The following ZNF691 variants were observed in gnomAD, a reference collection of about 807,000 sequenced individuals.
ZNF691 encodes zinc finger protein 691.
ZNF691 carries 11 observed loss-of-function variants against 24.1 expected under a neutral mutation model. That is an observed-to-expected ratio of 0.46 (90% CI 0.29 to 0.75). The LOEUF is 0.75. Among genes scored for constraint, ZNF691 ranks in the 30% least tolerant of loss-of-function variants. The probability of loss-of-function intolerance (pLI) is 0.11; values close to 1 mark genes in which losing one functional copy is unlikely to be tolerated. For synonymous variants in ZNF691, 149 were observed against 153.9 expected, an observed-to-expected ratio of 0.97 and a Z score of 0.23; for missense variants, 356 against 409.0, an observed-to-expected ratio of 0.87 and a Z score of 1.12.
At chr1:42,849,529 G>A in intron 2 of ZNF691, 36 bp from the exon 3 acceptor site, 1 of 759,690 alleles carries the variant, frequency 1.3e-6, no homozygotes, top group African/African-American at 1.7e-5. Context: ...AATGTAGTCA[G>A]TACCCCTTTC....
intron 2 of ZNF691, 52 bp from the exon 3 acceptor site, chr1:42,849,513 A>G: frequency 1.4e-6 from 1 of 726,856 alleles, no homozygotes; most frequent in Non-Finnish European, 2.5e-6. Flanking sequence ...TTGTAATCCA[A>G]CCCTAAATGT....
intron 1 of ZNF691, among the ~76,000 whole-genome samples, chr1:42,846,873 C>T (rs1655252845): frequency 6.6e-6 from 1 of 152,196 alleles, no homozygotes; most frequent in South Asian, 2.1e-4. Flanking sequence ...ACCCATTCCC[C>T]GGCCCTTCTG....
intron 1 of ZNF691, among the ~76,000 whole-genome samples, chr1:42,849,035 C>G (rs999167488): frequency 6.6e-6 from 1 of 152,166 alleles, no homozygotes; most frequent in African/African-American, 2.4e-5. Flanking sequence ...TATGTCTTGT[C>G]TATGGCTGCT....
chr1:42,851,836 G>C lies in ZNF691; in HGVS notation c.*23G>C, dbSNP rs772993408. 7 of 1,613,960 alleles carry C rather than the reference G, an allele frequency of 4.3e-6. No homozygotes were observed. Among genetic ancestry groups the C allele is most frequent in the Non-Finnish European group, 5.9e-6 (7 of 1,179,916 alleles). ...TGAAGGAGAGCCCCATTTAGAGTGA[G>C]GGAGAGAGAGTGAGAGACCCTAACC... On this transcript the variant is annotated 3_prime_UTR_variant, in exon 4 of 4. Transcript: ENST00000651192. The surrounding 1 kb of genome is among the most constrained non-coding windows in gnomAD (Gnocchi z 4.7).
chr1:42,850,835 T>C, intron 3 of ZNF691, 115 bp from the exon 4 acceptor site: 1 of 1,564,564 alleles, frequency 6.4e-7, no homozygotes, highest in Non-Finnish European at 8.7e-7. Flanking sequence ...TTGAGGTTAT[T>C]TCTAATGGAT....
At chr1:42,846,961 C>G (rs1655255614) in intron 1 of ZNF691, among the ~76,000 whole-genome samples, 1 of 152,182 alleles carries the variant, frequency 6.6e-6, no homozygotes, top group Non-Finnish European at 1.5e-5. Flanking sequence ...ACCTCTCTGG[C>G]CCCAAGCCCG....
chr1:42,847,073 A>G (rs1655259928), intron 1 of ZNF691, among the ~76,000 whole-genome samples: 1 of 152,010 alleles, frequency 6.6e-6, no homozygotes, highest in African/African-American at 2.4e-5. Flanking sequence ...GGCCTGTGAC[A>G]CTTCTGGCAG....
Position 42,851,536 on chromosome 1 carries a change from C to G in ZNF691, c.671C>G (p.Pro224Arg). 1 of 1,614,170 alleles carries G rather than the reference C, an allele frequency of 6.2e-7. No individual in the cohort carries two copies. The highest frequency in any genetic ancestry group is 8.5e-7 in the Non-Finnish European group (1 of 1,180,026). ...LAVHHRTHLE[P>R]APYICCECGK... ...GTGCATCACCGGACCCACCTGGAGC[C>G]AGCACCCTACATCTGCTGTGAGTGT... The change falls in exon 4 of 4, where the codon CCA (proline) becomes CGA (arginine). Residue 224 changes from proline to arginine, a missense_variant. Physicochemically the swap from Pro to Arg is moderately radical, Grantham distance 103. Transcript: ENST00000651192. The surrounding 1 kb of genome is among the most constrained non-coding windows in gnomAD (Gnocchi z 4.7).
intron 1 of ZNF691, among the ~76,000 whole-genome samples, chr1:42,847,035 G>T (rs546192039): frequency 6.6e-6 from 1 of 151,982 alleles, no homozygotes; most frequent in South Asian, 2.1e-4. Context: ...TCCCCGCCCC[G>T]CAACACACAA....
intron 3 of ZNF691, among the ~76,000 whole-genome samples, chr1:42,849,998 T>C (rs564870745): frequency 6.6e-6 from 1 of 151,750 alleles, no homozygotes; most frequent in South Asian, 2.1e-4. Flanking sequence ...TATGTAGCTA[T>C]ATATGTGTGT....
chr1:42,851,508 G>T lies in ZNF691; in HGVS notation c.643G>T (p.Ala215Ser), dbSNP rs756756998. The T allele has an allele frequency of 6.2e-7, 1 of 1,614,218 alleles. No individual in the cohort carries two copies. The highest frequency in any genetic ancestry group is 8.5e-7 in the Non-Finnish European group (1 of 1,180,044). ...GKSFSQSATL[A>S]VHHRTHLEPA... ...GAGCTTCAGCCAGAGTGCCACGCTA[G>T]CTGTGCATCACCGGACCCACCTGGA... The change falls in exon 4 of 4, where the codon GCT becomes TCT. Residue 215 changes from alanine (A) to serine (S), a missense_variant. Physicochemically the swap from Ala to Ser is moderately conservative, Grantham distance 99. Transcript: ENST00000651192. The surrounding 1 kb of genome is among the most constrained non-coding windows in gnomAD (Gnocchi z 4.7).
intron 3 of ZNF691, among the ~76,000 whole-genome samples, chr1:42,850,020 G>T (rs745306649): frequency 8.6e-5 from 13 of 152,034 alleles, no homozygotes; most frequent in Non-Finnish European, 1.8e-4. Flanking sequence ...GCTGTGGTAT[G>T]TGGCTATATG....
At position 42,852,053 on chromosome 1, in the gene ZNF691, G is replaced by T; in HGVS notation, c.*240G>T. On this transcript the variant is annotated 3_prime_UTR_variant, in exon 4 of 4. Coordinates refer to ENST00000651192, the MANE Select transcript of ZNF691 (RefSeq NM_001242739.2). ...TTGGAAAGTCAGAAGACCCAGTCTT[G>T]GCTTTACTTTCTTGGGGTGAAAGAG... The T allele has an allele frequency of 1.5e-6, 1 of 677,486 alleles. No homozygotes were observed. 42.0% of individuals were successfully genotyped at this position (677,486 alleles called of 1,614,324 possible). A position where few individuals can be genotyped will look rare whatever the true frequency, so the allele number is the denominator to read the frequency against.
At chr1:42,847,352 A>G (rs571109890) in intron 1 of ZNF691, among the ~76,000 whole-genome samples, 11 of 151,766 alleles carry the variant, frequency 7.2e-5, no homozygotes, top group Non-Finnish European at 1.0e-4. Flanking sequence ...CACTAGCCCC[A>G]TCTTCTTGGC....
At chr1:42,847,168 C>T (rs561984136) in intron 1 of ZNF691, among the ~76,000 whole-genome samples, 2 of 152,300 alleles carry the variant, frequency 1.3e-5, no homozygotes, top group East Asian at 3.9e-4. Flanking sequence ...ATCTAGCTTC[C>T]CTGTACAATT....
At position 42,851,979 on chromosome 1, in the gene ZNF691, G is replaced by A. The variant is rs1006518708; in HGVS notation, c.*166G>A. On this transcript the variant is annotated 3_prime_UTR_variant, in exon 4 of 4. Transcript: ENST00000651192. The surrounding 1 kb of genome is among the most constrained non-coding windows in gnomAD (Gnocchi z 4.7). ...TCAGGATCTCAGGAAGTCCTGAGGAGGGACTCTGGAATAAAAACCCTTGCC... is the reference window on the plus strand; with the variant it reads ...TCAGGATCTCAGGAAGTCCTGAGGAAGGACTCTGGAATAAAAACCCTTGCC... 9.1e-7 allele frequency: 1 copy of A among 1,093,810 alleles called. No individual in the cohort carries two copies. The highest frequency in any genetic ancestry group is 1.6e-5 in the African/African-American group (1 of 64,348). 67.8% of individuals were successfully genotyped at this position (1,093,810 alleles called of 1,614,324 possible). A position where few individuals can be genotyped will look rare whatever the true frequency, so the allele number is the denominator to read the frequency against.
At chr1:42,849,184 T>G in intron 1 of ZNF691, 107 bp from the exon 2 acceptor site, 1 of 313,740 alleles carries the variant, frequency 3.2e-6, no homozygotes, top group South Asian at 2.7e-5. Flanking sequence ...AGGTTCTGTC[T>G]GTATTTCACA....
At chr1:42,847,699 G>A (rs1346508112) in intron 1 of ZNF691, among the ~76,000 whole-genome samples, 1 of 152,108 alleles carries the variant, frequency 6.6e-6, no homozygotes, top group African/African-American at 2.4e-5. Flanking sequence ...CTTCCTTCCC[G>A]TCTTCTCTCC....
Position 42,851,264 on chromosome 1 carries a change from C to T in ZNF691, c.399C>T (p.His133=), listed in dbSNP as rs1282417704. 2 of 1,614,178 alleles carry T rather than the reference C, an allele frequency of 1.2e-6. No individual in the cohort carries two copies. The highest frequency in any genetic ancestry group is 2.2e-5 in the South Asian group (2 of 91,084). ...TFNNTSNLRT[H]QRIHTGEKPY... is the part of the protein sequence containing the mutation. ...ATAATACCTCCAACCTGAGAACACA[C>T]CAGCGGATCCACACTGGTGAGAAGC... Residue 133 remains histidine (H), a synonymous_variant, in exon 4 of 4, where the codon CAC becomes CAT. Transcript: ENST00000651192. This position sits in a 1 kb window ranked among gnomAD's most constrained non-coding sequence, Gnocchi z 4.7.
Sources: gnomAD v4.1 joint callset for allele counts (sites outside exome capture counted in the v4.1 genomes callset) on GRCh38, gnomAD v4.1.1 for gene constraint, Gnocchi (gnomAD v3.1) non-coding constraint, MANE v1.5 for transcripts, NCBI Gene and HGNC (gene_info 2026-07-23, HGNC 2026-07-21) for gene names.